The following PTPRN2 variants were observed in gnomAD, a reference collection of about 807,000 sequenced individuals.
The protein encoded by PTPRN2 is receptor-type tyrosine-protein phosphatase N2.
In PTPRN2, 74 loss-of-function variants were observed where a neutral mutation model predicts 118.8. That is an observed-to-expected ratio of 0.62 (90% CI 0.52 to 0.76). The LOEUF is 0.76. Among genes scored for constraint, PTPRN2 ranks in the 30% least tolerant of loss-of-function variants. PTPRN2 has a pLI of 0.00. For missense variants in PTPRN2, 1,481 were observed against 1,394.4 expected (o/e 1.06, Z -0.99); for synonymous variants, 641 against 608.0 (o/e 1.05, Z -0.80).
At chr7:158,336,685 ACGC>A (rs1805616133) in intron 2 of PTPRN2, among the ~76,000 whole-genome samples, 1 of 121,824 alleles carries the variant, frequency 8.2e-6, no homozygotes, top group East Asian at 2.5e-4. Context: ...ATAAGAGCTG[ACGC>A]CCGCAGACGT....
chr7:158,397,243 G>C (rs73729795), intron 2 of PTPRN2, among the ~76,000 whole-genome samples: 122 of 152,314 alleles, frequency 8.0e-4, no homozygotes, highest in African/African-American at 2.9e-3. Flanking sequence ...GATGCCCTCC[G>C]AGGTAGGGAC....
chr7:157,955,624 A>C (rs1263300752), intron 11 of PTPRN2, among the ~76,000 whole-genome samples: 1 of 152,096 alleles, frequency 6.6e-6, no homozygotes. Context: ...TCCAGGATCA[A>C]CTCTCTTCTT....
chr7:158,006,344 C>T (rs947964600), intron 11 of PTPRN2, among the ~76,000 whole-genome samples: 1 of 152,236 alleles, frequency 6.6e-6, no homozygotes, highest in Non-Finnish European at 1.5e-5. Flanking sequence ...CATGTTTGCT[C>T]CTCCATGGTG....
intron 2 of PTPRN2, among the ~76,000 whole-genome samples, chr7:158,406,287 G>A (rs1452326972): frequency 2.6e-5 from 3 of 117,290 alleles, no homozygotes; most frequent in Non-Finnish European, 5.4e-5. Flanking sequence ...CTGAGATCCC[G>A]GTGGCTCATC....
chr7:158,023,887 C>T (rs1807082375), intron 11 of PTPRN2, among the ~76,000 whole-genome samples: 1 of 151,938 alleles, frequency 6.6e-6, no homozygotes, highest in South Asian at 2.1e-4. Context: ...TGCAGGCACA[C>T]ACACGCAGGT....
chr7:158,567,753 C>G (rs1020740189), intron 1 of PTPRN2, among the ~76,000 whole-genome samples: 2 of 152,170 alleles, frequency 1.3e-5, no homozygotes, highest in African/African-American at 2.4e-5. Context: ...CCAGTGAACA[C>G]TGGGGGCTGC....
chr7:158,272,315 T>C (rs1798567472), intron 3 of PTPRN2, among the ~76,000 whole-genome samples: 1 of 152,184 alleles, frequency 6.6e-6, no homozygotes, highest in Non-Finnish European at 1.5e-5. Flanking sequence ...TTGCTCAGCC[T>C]TTTGCAACTG....
intron 3 of PTPRN2, among the ~76,000 whole-genome samples, chr7:158,218,662 C>A (rs920705663): frequency 1.3e-5 from 2 of 152,184 alleles, no homozygotes; most frequent in Non-Finnish European, 2.9e-5. Flanking sequence ...AGAGGCAAGA[C>A]CCAACTGTCT....
At chr7:157,815,408 G>A (rs1259025583) in intron 12 of PTPRN2, among the ~76,000 whole-genome samples, 2 of 152,240 alleles carry the variant, frequency 1.3e-5, no homozygotes, top group African/African-American at 4.8e-5. Flanking sequence ...ACTGGTGTGT[G>A]GTGTTTCCTG....
At chr7:158,107,952 A>G (rs1815820131) in intron 10 of PTPRN2, among the ~76,000 whole-genome samples, 1 of 146,886 alleles carries the variant, frequency 6.8e-6, no homozygotes, top group Non-Finnish European at 1.5e-5. Context: ...TGCCCACTGC[A>G]ACTTGATGCA....
intron 12 of PTPRN2, among the ~76,000 whole-genome samples, chr7:157,738,221 G>A (rs559582683): frequency 3.9e-5 from 6 of 152,202 alleles, no homozygotes; most frequent in African/African-American, 9.6e-5. Flanking sequence ...CCAGGGGGAC[G>A]TATCTGTGTG....
chr7:158,235,091 A>G (rs1232956837), intron 3 of PTPRN2, among the ~76,000 whole-genome samples: 1 of 152,150 alleles, frequency 6.6e-6, no homozygotes, highest in Non-Finnish European at 1.5e-5. Flanking sequence ...AAGACAGAAA[A>G]TAACAAATGG....
Position 157,622,447 on chromosome 7 carries a change from T to C in PTPRN2, c.2197-938A>G, listed in dbSNP as rs918462833. 2.0e-5 allele frequency among the ~76,000 whole-genome samples: 3 copies of C among 152,056 alleles called. No individual in the cohort carries two copies. The highest frequency in any genetic ancestry group is 6.5e-5 in the Admixed American group (1 of 15,286). ...GCCCACCCCCTGACATCCCCTTCGATTGATCCGAGGAGCTGGGATGGTCCC... is the reference window on the plus strand; with the variant it reads ...GCCCACCCCCTGACATCCCCTTCGACTGATCCGAGGAGCTGGGATGGTCCC... On this transcript the variant is annotated intron_variant, in intron 14 of 22. Coordinates refer to ENST00000389418, the MANE Select transcript of PTPRN2 (RefSeq NM_002847.5). This position sits in a 1 kb window ranked among gnomAD's most constrained non-coding sequence, Gnocchi z 5.3.
intron 10 of PTPRN2, among the ~76,000 whole-genome samples, chr7:158,105,634 T>C (rs917793171): frequency 6.6e-6 from 1 of 150,536 alleles, no homozygotes; most frequent in Admixed American, 6.6e-5. Flanking sequence ...CTCCATAGAC[T>C]TCCATCCAGA....
At chr7:158,042,316 C>T (rs1808531584) in intron 11 of PTPRN2, among the ~76,000 whole-genome samples, 1 of 152,140 alleles carries the variant, frequency 6.6e-6, no homozygotes, top group African/African-American at 2.4e-5. Context: ...GCAGAGGGGT[C>T]GGGAGTTCCG....
At chr7:158,345,961 C>T (rs1038594803) in intron 2 of PTPRN2, among the ~76,000 whole-genome samples, 2 of 152,088 alleles carry the variant, frequency 1.3e-5, no homozygotes, top group Non-Finnish European at 1.5e-5. Flanking sequence ...GGAAACCACC[C>T]GCATGATCCA....
At chr7:158,149,077 C>G (rs1820581472) in intron 6 of PTPRN2, among the ~76,000 whole-genome samples, 1 of 142,950 alleles carries the variant, frequency 7.0e-6, no homozygotes, top group African/African-American at 2.6e-5. Context: ...TGTCATTCCC[C>G]CTCACTGACA....
chr7:158,424,071 A>C (rs7779183), intron 2 of PTPRN2, among the ~76,000 whole-genome samples: 147,992 of 152,242 alleles, frequency 0.97, 71,970 homozygotes, highest in African/African-American at 0.99. Flanking sequence ...CGGATTCCGG[A>C]ACCTGCTGGA....
At chr7:158,541,639 C>T (rs1269671813) in intron 1 of PTPRN2, 3 of 1,347,686 alleles carry the variant, frequency 2.2e-6, no homozygotes, top group Non-Finnish European at 2.9e-6. Context: ...TTTGCAAAAT[C>T]TGGCTATAAT....
Sources: allele counts gnomAD v4.1 joint callset (sites outside exome capture counted in the v4.1 genomes callset), GRCh38; gene constraint gnomAD v4.1.1; non-coding constraint Gnocchi (gnomAD v3.1); transcripts MANE v1.5; gene names NCBI Gene and HGNC (gene_info 2026-07-23, HGNC 2026-07-21).